The following LARGE1 variants were observed in gnomAD, a reference collection of about 807,000 sequenced individuals.
The protein encoded by LARGE1 is LARGE xylosyl- and glucuronyltransferase 1.
A neutral mutation model predicts 87.6 loss-of-function variants in LARGE1; 43 were observed. That is an observed-to-expected ratio of 0.49 (90% CI 0.38 to 0.63). The LOEUF (loss-of-function observed/expected upper bound fraction) is 0.63, where lower values mean the gene tolerates loss of function less well. Among genes scored for constraint, LARGE1 ranks in the 30% least tolerant of loss-of-function variants. The probability of loss-of-function intolerance (pLI) is 0.00; values close to 1 mark genes in which losing one functional copy is unlikely to be tolerated. For missense variants in LARGE1, 802 were observed against 1,000.2 expected, an observed-to-expected ratio of 0.80 and a Z score of 2.67; for synonymous variants, 434 against 394.6, an observed-to-expected ratio of 1.10 and a Z score of -1.18.
chr22:33,719,948 G>A (rs1230014000), intron 2 of LARGE1, among the ~76,000 whole-genome samples: 1 of 152,156 alleles, frequency 6.6e-6, no homozygotes, highest in Non-Finnish European at 1.5e-5. Flanking sequence ...GAGGCAATAG[G>A]CTATACCAGC....
chr22:33,885,753 G>A lies in LARGE1; in HGVS notation c.-83+34242C>T, dbSNP rs184087852. ...ATAAAAGATCATAAAAGATGTGGCC[G>A]GGCGTGGTGACTCACACCTGTAATC... is the stretch of plus-strand genomic sequence containing the variant. On this transcript the variant is annotated intron_variant, in intron 1 of 14. Transcript: ENST00000397394. Among the ~76,000 whole-genome samples, 122 of 152,226 alleles carry A rather than the reference G, an allele frequency of 8.0e-4. 1 individual carries two copies. The highest frequency in any genetic ancestry group is 3.4e-3 in the Middle Eastern group (1 of 294).
intron 2 of LARGE1, among the ~76,000 whole-genome samples, chr22:33,759,915 C>G (rs1333148172): frequency 2.0e-5 from 3 of 152,126 alleles, no homozygotes; most frequent in Non-Finnish European, 4.4e-5. Flanking sequence ...AGGGATGCAC[C>G]TAAAGGGTGG....
At position 33,216,831 on chromosome 22, in the gene LARGE1, C is replaced by A. The variant is rs1032961287; in HGVS notation, c.1731-49999G>T. Among the ~76,000 whole-genome samples the A allele has an allele frequency of 3.4e-4, 51 of 152,092 alleles. 3 individuals carry two copies. Among genetic ancestry groups the A allele is most frequent in the Non-Finnish European group, 4.4e-5 (3 of 68,034 alleles). The stretch of plus-strand genomic sequence containing the variant: ...AGGCAGAAAAGAAGAAAGATACATG[C>A]AGGAGACTGCAGTGGGAAGCCAGCA... On this transcript the variant is annotated intron_variant, in intron 11 of 11. Coordinates refer to the LARGE1 transcript ENST00000608642.
At chr22:33,234,863 A>G (rs753882208) in intron 11 of LARGE1, among the ~76,000 whole-genome samples, 6 of 151,932 alleles carry the variant, frequency 3.9e-5, no homozygotes, top group Non-Finnish European at 5.9e-5. Context: ...AATAATATTA[A>G]TTGTATTTTT....
At chr22:33,090,483 T>A in the LARGE1 span, among the ~76,000 whole-genome samples, 1 of 151,968 alleles carries the variant, frequency 6.6e-6, no homozygotes. Flanking sequence ...AAGATAACCA[T>A]AGGGTTATTT....
chr22:33,127,414 C>A, the LARGE1 span, among the ~76,000 whole-genome samples: 2 of 152,180 alleles, frequency 1.3e-5, no homozygotes, highest in African/African-American at 2.4e-5. Flanking sequence ...CAGAGTTAAA[C>A]GCACTAAATA....
intron 6 of LARGE1, among the ~76,000 whole-genome samples, chr22:33,500,644 A>C (rs891035213): frequency 6.6e-6 from 1 of 152,168 alleles, no homozygotes; most frequent in Non-Finnish European, 1.5e-5. Flanking sequence ...ACTTCAGGCA[A>C]ACTACTTAAC....
intron 3 of LARGE1, among the ~76,000 whole-genome samples, chr22:33,638,977 C>T (rs181854227): frequency 2.6e-5 from 4 of 152,294 alleles, no homozygotes; most frequent in East Asian, 3.9e-4. Context: ...AATGCCTAGA[C>T]GTTCCTCTCA....
chr22:33,414,098 T>C (rs1283075112), intron 7 of LARGE1, among the ~76,000 whole-genome samples: 1 of 152,140 alleles, frequency 6.6e-6, no homozygotes, highest in Non-Finnish European at 1.5e-5. Context: ...CTATTTTTAA[T>C]TTTTGGAGGA....
chr22:33,415,214 G>A (rs748434072), intron 7 of LARGE1, among the ~76,000 whole-genome samples: 2 of 152,182 alleles, frequency 1.3e-5, no homozygotes, highest in African/African-American at 2.4e-5. Context: ...AGGTGGAGGC[G>A]TTGTTTTGTT....
At chr22:33,697,663 C>G (rs1294743300) in intron 2 of LARGE1, among the ~76,000 whole-genome samples, 2 of 151,158 alleles carry the variant, frequency 1.3e-5, no homozygotes, top group Non-Finnish European at 2.9e-5. Flanking sequence ...ATTGGCAGAG[C>G]TGGGATCAAA....
At chr22:33,459,007 G>A (rs989811970) in intron 6 of LARGE1, among the ~76,000 whole-genome samples, 2 of 150,988 alleles carry the variant, frequency 1.3e-5, no homozygotes, top group Non-Finnish European at 2.9e-5. Flanking sequence ...TAGAAGACAA[G>A]TATTTTTTTT....
intron 2 of LARGE1, among the ~76,000 whole-genome samples, chr22:33,665,471 G>A (rs1339433475): frequency 6.6e-6 from 1 of 152,140 alleles, no homozygotes; most frequent in African/African-American, 2.4e-5. Context: ...GATGAGAATC[G>A]GATTTCAAAT....
intron 2 of LARGE1, among the ~76,000 whole-genome samples, chr22:33,704,333 G>T (rs962816934): frequency 2.0e-5 from 3 of 152,226 alleles, no homozygotes; most frequent in Non-Finnish European, 4.4e-5. Flanking sequence ...GGAAATTGGG[G>T]ATTTCTCCCC....
intron 5 of LARGE1, among the ~76,000 whole-genome samples, chr22:33,574,298 TA>T (rs1281819203): frequency 1.3e-5 from 2 of 152,158 alleles, no homozygotes; most frequent in African/African-American, 4.8e-5. Context: ...CCCTATTGCA[TA>T]TAACCTATGC....
chr22:33,515,462 C>A (rs552423382), intron 6 of LARGE1, among the ~76,000 whole-genome samples: 2 of 152,196 alleles, frequency 1.3e-5, no homozygotes, highest in South Asian at 4.1e-4. Flanking sequence ...GGCCTGTTAG[C>A]GTACCTGACA....
chr22:33,839,707 T>C (rs2092258662), intron 1 of LARGE1, among the ~76,000 whole-genome samples: 1 of 152,206 alleles, frequency 6.6e-6, no homozygotes, highest in Admixed American at 6.5e-5. Context: ...TTGCTAAAAT[T>C]CTTAATTTCC....
rs150856433 is a variant in LARGE1 at position 33,908,998 on chromosome 22, A to G, written c.-83+10997T>C. 9.2e-5 allele frequency among the ~76,000 whole-genome samples: 14 copies of G among 152,218 alleles called. No homozygotes were observed. The East Asian group carries it at 2.7e-3, about 29-fold the overall frequency. Reference sequence around the variant, plus strand: ...AAGAATTTTCTCTATTATACCCCTTATTGGGTGCCATCCAAGGCTAGGAAA... The same window carrying G: ...AAGAATTTTCTCTATTATACCCCTTGTTGGGTGCCATCCAAGGCTAGGAAA... On this transcript the variant is annotated intron_variant, in intron 1 of 14. Coordinates refer to ENST00000397394, the MANE Select transcript of LARGE1 (RefSeq NM_133642.5).
In LARGE1 at chr22:33,274,372, A is replaced by G. The variant is rs983321470; in HGVS notation, c.*55T>C. 1 of 1,566,250 alleles carries G rather than the reference A, an allele frequency of 6.4e-7. No homozygotes were observed. The highest frequency in any genetic ancestry group is 1.4e-5 in the African/African-American group (1 of 74,066). ...TGAATTTGAAGGCCGGGCCCCAAAC[A>G]GCGAGTGGCACTTCCCCTACAGCAT... On this transcript the variant is annotated 3_prime_UTR_variant, in exon 15 of 15. Coordinates refer to ENST00000397394, the MANE Select transcript of LARGE1 (RefSeq NM_133642.5).
Sources: allele counts gnomAD v4.1 joint callset (sites outside exome capture counted in the v4.1 genomes callset), GRCh38; gene constraint gnomAD v4.1.1; transcripts MANE v1.5; gene names NCBI Gene and HGNC (gene_info 2026-07-23, HGNC 2026-07-21).